CNBD1: variants seen among roughly 807,000 people sequenced by gnomAD.
The protein encoded by CNBD1 is cyclic nucleotide binding domain containing 1, also known as cyclic nucleotide-binding domain-containing protein 1.
CNBD1 carries 71 observed loss-of-function variants against 54.4 expected under a neutral mutation model. That is an observed-to-expected ratio of 1.30 (90% confidence interval 1.08 to 1.59). The LOEUF is 1.59. Ranked by LOEUF, CNBD1 falls within the 40% of genes most tolerant of loss-of-function variation. The pLI, the probability that CNBD1 is intolerant of heterozygous loss-of-function variation, is 0.00. For synonymous variants in CNBD1, 182 were observed against 170.7 expected (o/e 1.07, Z -0.51); for missense variants, 659 against 518.0 (o/e 1.27, Z -2.64).
intron 4 of CNBD1, among the ~76,000 whole-genome samples, chr8:87,162,643 T>G (rs1812881255): frequency 6.6e-6 from 1 of 152,098 alleles, no homozygotes; most frequent in Non-Finnish European, 1.5e-5. Context: ...AAATTAATTT[T>G]TCCACAGCTA....
chr8:87,227,736 G>C (rs933400040), intron 5 of CNBD1, among the ~76,000 whole-genome samples: 14 of 148,906 alleles, frequency 9.4e-5, no homozygotes, highest in Non-Finnish European at 1.2e-4. Flanking sequence ...TGCTCTTCTC[G>C]AGGAGTATCT....
At chr8:87,105,849 A>G (rs1244761889) in intron 4 of CNBD1, among the ~76,000 whole-genome samples, 4 of 151,974 alleles carry the variant, frequency 2.6e-5, no homozygotes, top group Non-Finnish European at 2.9e-5. Flanking sequence ...AGGTCTCGGT[A>G]TCTTCACAGC....
At chr8:87,353,305 A>T (rs1810345534) in intron 9 of CNBD1, among the ~76,000 whole-genome samples, 1 of 152,190 alleles carries the variant, frequency 6.6e-6, no homozygotes. Context: ...TGGTTGACAA[A>T]ACATCTTAAA....
intron 1 of CNBD1, among the ~76,000 whole-genome samples, chr8:86,872,418 T>A (rs1351413951): frequency 6.6e-6 from 1 of 152,182 alleles, no homozygotes; most frequent in African/African-American, 2.4e-5. Context: ...TAATCACATT[T>A]ATAAAATTTT....
Position 86,976,208 on chromosome 8 carries a change from T to G in CNBD1, c.431+36454T>G, listed in dbSNP as rs1213577877. ...TGACCTTTTTTTTTTTTTTTTTTTT[T>G]GCTGTGGATAAGCTTTTTAGTTTGA... On this transcript the variant is annotated intron_variant, in intron 4 of 10. Coordinates refer to ENST00000518476, the MANE Select transcript of CNBD1 (RefSeq NM_173538.3). Among the ~76,000 whole-genome samples the G allele has an allele frequency of 4.1e-3, 539 of 132,140 alleles. 6 individuals are homozygous for G. The highest frequency in any genetic ancestry group is 0.014 in the African/African-American group (509 of 35,576). 86.7% of individuals were successfully genotyped at this position (132,140 alleles called of 152,430 possible).
At chr8:87,077,159 G>A (rs1810889241) in intron 4 of CNBD1, among the ~76,000 whole-genome samples, 1 of 152,146 alleles carries the variant, frequency 6.6e-6, no homozygotes, top group African/African-American at 2.4e-5. Flanking sequence ...GGCTTAAAAA[G>A]GATCTTTTCA....
At chr8:86,957,968 G>A (rs745453946) in intron 4 of CNBD1, among the ~76,000 whole-genome samples, 2 of 152,152 alleles carry the variant, frequency 1.3e-5, no homozygotes, top group Non-Finnish European at 2.9e-5. Flanking sequence ...TGCGCATTTA[G>A]TGCTATAAAT....
At chr8:86,900,061 A>G (rs898192100) in intron 2 of CNBD1, among the ~76,000 whole-genome samples, 1 of 152,168 alleles carries the variant, frequency 6.6e-6, no homozygotes, top group Admixed American at 6.5e-5. Context: ...GTCACCTTTC[A>G]TAAGACCAAT....
intron 1 of CNBD1, among the ~76,000 whole-genome samples, chr8:86,875,587 G>T: frequency 6.6e-6 from 1 of 151,928 alleles, no homozygotes; most frequent in East Asian, 1.9e-4. Context: ...TCTAAATCTT[G>T]TGCATTTCTT....
intron 8 of CNBD1, among the ~76,000 whole-genome samples, chr8:87,315,018 C>T (rs1809353773): frequency 6.6e-6 from 1 of 151,962 alleles, no homozygotes; most frequent in African/African-American, 2.4e-5. Flanking sequence ...ATTCTAATGT[C>T]TACACGGAAA....
At chr8:87,244,580 A>G (rs886948931) in intron 6 of CNBD1, among the ~76,000 whole-genome samples, 1 of 151,968 alleles carries the variant, frequency 6.6e-6, no homozygotes, top group Non-Finnish European at 1.5e-5. Context: ...GTATTTTTAT[A>G]CCCTTTAACC....
intron 2 of CNBD1, among the ~76,000 whole-genome samples, chr8:87,397,746 A>T (rs889750239): frequency 2.6e-5 from 4 of 151,864 alleles, no homozygotes; most frequent in African/African-American, 7.2e-5. Flanking sequence ...CTTTGTTCCC[A>T]CTCAAATCTC....
chr8:86,928,972 G>C (rs763972428), intron 3 of CNBD1, among the ~76,000 whole-genome samples: 9 of 152,202 alleles, frequency 5.9e-5, no homozygotes, highest in Non-Finnish European at 1.0e-4. Flanking sequence ...CTATCCCCCT[G>C]TGAAAGTCCC....
intron 4 of CNBD1, among the ~76,000 whole-genome samples, chr8:87,197,332 T>A (rs1216326783): frequency 3.3e-5 from 5 of 152,112 alleles, no homozygotes; most frequent in African/African-American, 1.2e-4. Context: ...AAAGCCAAAT[T>A]TAGAGAAGTG....
intron 3 of CNBD1, among the ~76,000 whole-genome samples, chr8:86,925,730 CAAA>C (rs71275895): frequency 0.52 from 73,451 of 141,426 alleles, 19,007 homozygotes; most frequent in South Asian, 0.58. Context: ...AAAAAAATAC[CAAA>C]AAAAAAAAAA....
At position 87,325,842 on chromosome 8, in the gene CNBD1, C is replaced by T. The variant is rs931914104; in HGVS notation, c.1043-25843C>T. Among the ~76,000 whole-genome samples the T allele has an allele frequency of 3.6e-3, 522 of 146,356 alleles. 5 individuals are homozygous for T. Among genetic ancestry groups the T allele is most frequent in the African/African-American group, 0.013 (497 of 39,240 alleles). On this transcript the variant is annotated intron_variant, in intron 8 of 10. Coordinates refer to ENST00000518476, the MANE Select transcript of CNBD1 (RefSeq NM_173538.3). Reference sequence around the variant, plus strand: ...TTGTTATGTGTGAATCTGATCCTGTCATTATGATGTTAGCTGGTGATTTTG... The same window carrying T: ...TTGTTATGTGTGAATCTGATCCTGTTATTATGATGTTAGCTGGTGATTTTG...
intron 4 of CNBD1, among the ~76,000 whole-genome samples, chr8:87,148,490 T>A (rs1812534922): frequency 6.6e-6 from 1 of 152,222 alleles, no homozygotes; most frequent in South Asian, 2.1e-4. Flanking sequence ...GTTAATGACT[T>A]TTCTGGCAAG....
intron 4 of CNBD1, among the ~76,000 whole-genome samples, chr8:87,119,906 C>A (rs1214522984): frequency 6.6e-6 from 1 of 152,028 alleles, no homozygotes; most frequent in Non-Finnish European, 1.5e-5. Context: ...GTTGAACTAT[C>A]CTTGCATCCC....
chr8:87,061,603 T>A (rs1810549489), intron 4 of CNBD1, among the ~76,000 whole-genome samples: 1 of 152,214 alleles, frequency 6.6e-6, no homozygotes, highest in Non-Finnish European at 1.5e-5. Context: ...TGCTTCAATA[T>A]GTTGTGTTTG....
Sources: allele counts gnomAD v4.1 joint callset (sites outside exome capture counted in the v4.1 genomes callset), GRCh38; gene constraint gnomAD v4.1.1; transcripts MANE v1.5; gene names NCBI Gene and HGNC (gene_info 2026-07-23, HGNC 2026-07-21).